Variants in TMEM59 observed in about 807,000 individuals in gnomAD.
TMEM59 encodes the protein dendritic cell factor 1.
TMEM59 carries 44 observed loss-of-function variants against 42.2 expected under a neutral mutation model. The observed-to-expected ratio is 1.04, with a 90% CI of 0.82 to 1.34. The LOEUF is 1.34. Among genes scored for constraint, TMEM59 ranks in the 40% most tolerant of loss-of-function variants. TMEM59 has a pLI of 0.00. For missense variants in TMEM59, 359 were observed against 382.8 expected (o/e 0.94, Z 0.52); for synonymous variants, 148 against 145.8 (o/e 1.02, Z -0.11).
Position 54,029,452 on chromosome 1 carries a change from GA to G in TMEM59, c.*2697del, listed in dbSNP as rs1437605516. On this transcript the variant is annotated 3_prime_UTR_variant, in exon 8 of 8. Coordinates refer to ENST00000234831, the MANE Select transcript of TMEM59 (RefSeq NM_004872.5). ...CCAACGGTCTTGAGAATTTGCCTAG[GA>G]CCAAGACCAGATTCTCAAGATGCTT... The G allele has an allele frequency of 1.3e-5, 2 of 152,162 alleles. No homozygotes were observed. The highest frequency in any genetic ancestry group is 2.9e-5 in the Non-Finnish European group (2 of 68,036). 9.4% of individuals were successfully genotyped at this position (152,162 alleles called of 1,614,324 possible).
chr1:54,050,963 A>C (rs1229934943), intron 1 of TMEM59, among the ~76,000 whole-genome samples: 3 of 151,824 alleles, frequency 2.0e-5, no homozygotes, highest in African/African-American at 4.8e-5. Context: ...GGCTCAAGCA[A>C]GCCTCCCACC....
intron 2 of TMEM59, among the ~76,000 whole-genome samples, chr1:54,046,479 T>A (rs148272106): frequency 6.6e-6 from 1 of 152,230 alleles, no homozygotes. Flanking sequence ...TTTACCACTA[T>A]CCTAATTTTA....
At chr1:54,039,656 G>A (rs1657072213) in intron 6 of TMEM59, among the ~76,000 whole-genome samples, 1 of 152,126 alleles carries the variant, frequency 6.6e-6, no homozygotes, top group Non-Finnish European at 1.5e-5. Flanking sequence ...ATGTGATTTG[G>A]ACTACTGCAG....
intron 6 of TMEM59, 57 bp downstream of exon 6, chr1:54,040,699 C>A: frequency 1.5e-6 from 2 of 1,293,248 alleles, no homozygotes; most frequent in Non-Finnish European, 1.1e-6. Context: ...AGTAATATAT[C>A]TCTCTGATAC....
upstream of TMEM59, chr1:54,053,232 T>A: frequency 6.2e-7 from 1 of 1,602,244 alleles, no homozygotes; most frequent in Non-Finnish European, 8.5e-7. Flanking sequence ...TGCTGTTTTC[T>A]CGGAAGGGTT....
chr1:54,043,680 T>C, intron 3 of TMEM59, 155 bp from the exon 4 acceptor site: 1 of 396,778 alleles, frequency 2.5e-6, no homozygotes, highest in Admixed American at 4.9e-5. Context: ...AACTCTTAGT[T>C]ATCTATGCAC....
At chr1:54,034,362 T>A (rs570193455) in intron 7 of TMEM59, 1 of 152,280 alleles carries the variant, frequency 6.6e-6, no homozygotes, top group South Asian at 2.1e-4. Context: ...ATTGTCACGA[T>A]AGTTGCTTAC....
chr1:54,039,597 T>C (rs1348187371), intron 6 of TMEM59, among the ~76,000 whole-genome samples: 1 of 152,234 alleles, frequency 6.6e-6, no homozygotes, highest in Non-Finnish European at 1.5e-5. Context: ...TGTAATGATA[T>C]ATGATAAAAC....
chr1:54,045,871 A>G (rs1657315736), intron 2 of TMEM59, 85 bp from the exon 3 acceptor site: 1 of 1,218,738 alleles, frequency 8.2e-7, no homozygotes. Context: ...TATTAAAAAA[A>G]TTTTTATACT....
intron 6 of TMEM59, among the ~76,000 whole-genome samples, chr1:54,039,752 G>A (rs2100311132): frequency 6.6e-6 from 1 of 152,160 alleles, no homozygotes; most frequent in African/African-American, 2.4e-5. Context: ...TGCTTGACCT[G>A]GTATCTGACA....
intron 6 of TMEM59, among the ~76,000 whole-genome samples, chr1:54,037,931 T>C (rs1657007892): frequency 6.6e-6 from 1 of 152,176 alleles, no homozygotes; most frequent in South Asian, 2.1e-4. Context: ...CAGTAGCAAC[T>C]ACCTAAGCCA....
chr1:54,038,231 GAGC>G (rs1380382280), intron 6 of TMEM59, among the ~76,000 whole-genome samples: 1 of 151,990 alleles, frequency 6.6e-6, no homozygotes, highest in African/African-American at 2.4e-5. Context: ...TATACACATT[GAGC>G]AGGAGGCCAG....
At chr1:54,041,109 CTAAT>C (rs1657124055) in intron 5 of TMEM59, among the ~76,000 whole-genome samples, 1 of 152,118 alleles carries the variant, frequency 6.6e-6, no homozygotes, top group South Asian at 2.1e-4. Context: ...TTATTCTAAT[CTAAT>C]TAAAGTTAAA....
intron 2 of TMEM59, 93 bp downstream of exon 2, chr1:54,047,172 AGT>A (rs753493993): frequency 7.5e-5 from 73 of 979,242 alleles, no homozygotes; most frequent in Non-Finnish European, 1.1e-4. Flanking sequence ...TAGTTTCAAC[AGT>A]GTGTTTTCCA....
intron 6 of TMEM59, among the ~76,000 whole-genome samples, chr1:54,039,506 T>C (rs1251206284): frequency 1.3e-5 from 2 of 152,254 alleles, no homozygotes; most frequent in African/African-American, 4.8e-5. Context: ...GGATAAAATT[T>C]AAAGTTTAAT....
Position 54,027,443 on chromosome 1 carries a change from T to G in TMEM59, c.*4707A>C, listed in dbSNP as rs113561284. On this transcript the variant is annotated 3_prime_UTR_variant, in exon 8 of 8. Coordinates refer to ENST00000234831, the MANE Select transcript of TMEM59 (RefSeq NM_004872.5). The stretch of plus-strand genomic sequence containing the variant: ...ATGGCACAAAAAAGTTTGAAACAAA[T>G]AAGTCATTAATATCACAGGAAGAGA... 1 of 118,506 alleles carries G rather than the reference T, an allele frequency of 8.4e-6. No homozygotes were observed. The highest frequency in any genetic ancestry group is 1.6e-5 in the Non-Finnish European group (1 of 64,054). The allele number at this position is 118,506 out of a possible 1,614,324, so 7.3% of individuals were successfully genotyped here.
chr1:54,047,071 CAACA>C (rs1047348293), intron 2 of TMEM59, among the ~76,000 whole-genome samples, 192 bp downstream of exon 2: 3 of 152,170 alleles, frequency 2.0e-5, no homozygotes, highest in African/African-American at 7.2e-5. Context: ...AACACTGTCT[CAACA>C]AACAGATGAA....
At position 54,053,133 on chromosome 1, in the gene TMEM59, A is replaced by AGCG; in HGVS notation, c.53_55dup (p.Pro18dup). On this transcript the variant is annotated inframe_insertion, in exon 1 of 8. Coordinates refer to ENST00000234831, the MANE Select transcript of TMEM59 (RefSeq NM_004872.5). ...GGCCAAGGCCATGGTCAGCAGCAGCAGCGGCGGGAGCCCCAGTTGGGTCCT... is the reference window on the plus strand; with the variant it reads ...GGCCAAGGCCATGGTCAGCAGCAGCAGCGGCGGCGGGAGCCCCAGTTGGGTCCT... The AGCG allele has an allele frequency of 6.2e-7, 1 of 1,614,268 alleles. No individual in the cohort carries two copies. The highest frequency in any genetic ancestry group is 8.5e-7 in the Non-Finnish European group (1 of 1,180,042).
intron 7 of TMEM59, among the ~76,000 whole-genome samples, chr1:54,036,388 A>G (rs921583660): frequency 6.6e-6 from 1 of 152,170 alleles, no homozygotes; most frequent in African/African-American, 2.4e-5. Context: ...GCCAGTCAAC[A>G]TATATGTCAC....
Sources: gnomAD v4.1 joint callset for allele counts (sites outside exome capture counted in the v4.1 genomes callset) on GRCh38, gnomAD v4.1.1 for gene constraint, MANE v1.5 for transcripts, NCBI Gene and HGNC (gene_info 2026-07-23, HGNC 2026-07-21) for gene names.